Variants in UGT2B10 observed in about 807,000 individuals in gnomAD.
The protein encoded by UGT2B10 is UDP glucuronosyltransferase family 2 member B10.
UGT2B10 carries 51 observed loss-of-function variants against 43.7 expected under a neutral mutation model. The observed-to-expected ratio is 1.17, with a 90% CI of 0.93 to 1.47. The LOEUF is 1.47. UGT2B10 is among the 40% of genes most tolerant of loss of function. UGT2B10 has a pLI of 0.00. For synonymous variants in UGT2B10, 225 were observed against 209.0 expected, an observed-to-expected ratio of 1.08 and a Z score of -0.66; for missense variants, 696 against 617.7, an observed-to-expected ratio of 1.13 and a Z score of -1.34.
chr4:68,822,647 A>G (rs551556067), intron 3 of UGT2B10, among the ~76,000 whole-genome samples: 232 of 152,104 alleles, frequency 1.5e-3, no homozygotes, highest in African/African-American at 5.3e-3. Context: ...ATCAGTGGGA[A>G]CTCAGTACTC....
At chr4:68,819,211 T>C (rs1476424024) in intron 2 of UGT2B10, among the ~76,000 whole-genome samples, 5 of 151,984 alleles carry the variant, frequency 3.3e-5, no homozygotes, top group African/African-American at 4.8e-5. Context: ...AATTTTGCAA[T>C]TATGGTTATT....
intron 5 of UGT2B10, 53 bp from the exon 6 acceptor site, chr4:68,830,547 T>A: frequency 6.4e-7 from 1 of 1,552,750 alleles, no homozygotes; most frequent in Non-Finnish European, 8.7e-7. Context: ...ACTTGATATC[T>A]ACAGGCAAAT....
chr4:68,827,758 G>A (rs74693776), intron 5 of UGT2B10, among the ~76,000 whole-genome samples: 1,349 of 147,574 alleles, frequency 9.1e-3, no homozygotes, highest in Non-Finnish European at 0.014. Flanking sequence ...TAGTGAAACA[G>A]TTTTCTAAAT....
At chr4:68,823,094 A>C (rs1737592121) in intron 3 of UGT2B10, among the ~76,000 whole-genome samples, 1 of 152,122 alleles carries the variant, frequency 6.6e-6, no homozygotes, top group Non-Finnish European at 1.5e-5. Context: ...TGCAGTATAT[A>C]CTCTATTTAA....
chr4:68,829,453 T>C (rs575654502), intron 5 of UGT2B10, among the ~76,000 whole-genome samples: 1 of 152,244 alleles, frequency 6.6e-6, no homozygotes, highest in East Asian at 1.9e-4. Context: ...ATTTTTGAAC[T>C]ATTCACTTAG....
At chr4:68,821,632 A>G (rs1737502002) in intron 2 of UGT2B10, among the ~76,000 whole-genome samples, 1 of 152,200 alleles carries the variant, frequency 6.6e-6, no homozygotes, top group African/African-American at 2.4e-5. Context: ...AGACTCCAGA[A>G]TGTCAGTGAT....
At chr4:68,826,206 T>C (rs1388481215) in intron 3 of UGT2B10, among the ~76,000 whole-genome samples, 3 of 152,182 alleles carry the variant, frequency 2.0e-5, no homozygotes, top group Non-Finnish European at 4.4e-5. Flanking sequence ...TCTAAGGTAT[T>C]ACTTTGGAAA....
chr4:68,823,244 G>A (rs112324058), intron 3 of UGT2B10, among the ~76,000 whole-genome samples: 12,673 of 152,032 alleles, frequency 0.083, 534 homozygotes, highest in African/African-American at 0.1. Flanking sequence ...ATGGTGGTTC[G>A]CGCCTGTAAT....
chr4:68,816,081 G>T lies in UGT2B10; in HGVS notation c.62G>T (p.Ser21Ile), dbSNP rs760152967. ...CTCAGTTTTTACTTTAGCTCTGGGA[G>T]TTGTGGAAAGGTGCTGGTATGGGCC... Reference protein sequence around the residue: ...IQLSFYFSSGSCGKVLVWAAE... With the variant: ...IQLSFYFSSGICGKVLVWAAE... The change falls in exon 1 of 6, where the codon AGT (serine) becomes ATT (isoleucine). Residue 21 changes from serine to isoleucine, a missense_variant. By Grantham distance (142) the Ser-to-Ile change is moderately radical. Transcript: ENST00000265403. 6.2e-7 allele frequency: 1 copy of T among 1,613,164 alleles called. No homozygotes were observed. Among genetic ancestry groups the T allele is most frequent in the Admixed American group, 1.7e-5 (1 of 59,916 alleles).
At chr4:68,821,236 A>C (rs1370436992) in intron 2 of UGT2B10, among the ~76,000 whole-genome samples, 1 of 152,210 alleles carries the variant, frequency 6.6e-6, no homozygotes, top group Non-Finnish European at 1.5e-5. Context: ...AAAGTATTTA[A>C]ATTTATATAT....
intron 5 of UGT2B10, among the ~76,000 whole-genome samples, chr4:68,829,950 A>G (rs554488554): frequency 3.6e-4 from 55 of 152,190 alleles, no homozygotes; most frequent in Non-Finnish European, 7.2e-4. Context: ...GCAAAACATC[A>G]TTCTGGCTAC....
chr4:68,817,387 C>T (rs1737265889), intron 1 of UGT2B10, among the ~76,000 whole-genome samples: 1 of 151,718 alleles, frequency 6.6e-6, no homozygotes, highest in African/African-American at 2.4e-5. Context: ...AACTATGTCT[C>T]TTTATTTAAA....
At chr4:68,822,578 A>G (rs183522036) in intron 3 of UGT2B10, among the ~76,000 whole-genome samples, 176 bp downstream of exon 3, 4 of 152,238 alleles carry the variant, frequency 2.6e-5, no homozygotes, top group Admixed American at 6.5e-5. Context: ...AGACTTAGTG[A>G]TTACATGTGG....
chr4:68,816,415 T>C lies in UGT2B10; in HGVS notation c.396T>C (p.Asn132=). 4 of 1,612,846 alleles carry C rather than the reference T, an allele frequency of 2.5e-6. No individual in the cohort carries two copies. Among genetic ancestry groups the C allele is most frequent in the Non-Finnish European group, 3.4e-6 (4 of 1,179,358 alleles). ...IRNFCKDVVS[N]KKLMKKLQES... ...ACTTCTGTAAAGATGTAGTTTCAAA[T>C]AAGAAACTTATGAAAAAACTACAAG... Residue 132 remains asparagine, a synonymous_variant, in exon 1 of 6, where the codon AAT becomes AAC. Transcript: ENST00000265403.
Position 68,831,233 on chromosome 4 carries a change from A to T in UGT2B10, c.*354A>T, listed in dbSNP as rs1738086721. The stretch of plus-strand genomic sequence containing the variant: ...CTCAGCCCCCCAAGTAGCTGGGACC[A>T]TAGGTGCATGTCACCATGTCCAACT... On this transcript the variant is annotated 3_prime_UTR_variant, in exon 6 of 6. Transcript: ENST00000265403. 4.6e-6 allele frequency: 1 copy of T among 219,306 alleles called. No homozygotes were observed. The highest frequency in any genetic ancestry group is 5.3e-5 in the Admixed American group (1 of 18,992). The allele number at this position is 219,306 out of a possible 1,614,324, so 13.6% of individuals were successfully genotyped here. A position where few individuals can be genotyped will look rare whatever the true frequency, so the allele number is the denominator to read the frequency against.
chr4:68,816,535 C>T lies in UGT2B10; in HGVS notation c.516C>T (p.Ser172=). ...ACATACCCTTTGTGTACAGTCACAG[C>T]TTCAGTCCTGGCTACTCATTTGAAA... ...LFNIPFVYSH[S]FSPGYSFERH... The change falls in exon 1 of 6, where the codon AGC becomes AGT. Residue 172 remains serine, a synonymous_variant. Transcript: ENST00000265403. 6.2e-7 allele frequency: 1 copy of T among 1,613,202 alleles called. No homozygotes were observed. The highest frequency in any genetic ancestry group is 1.1e-5 in the South Asian group (1 of 91,060).
chr4:68,818,161 C>T lies in UGT2B10; in HGVS notation c.851C>T (p.Ala284Val). 6.2e-7 allele frequency: 1 copy of T among 1,609,510 alleles called. No homozygotes were observed. The highest frequency in any genetic ancestry group is 8.5e-7 in the Non-Finnish European group (1 of 1,177,816). The change falls in exon 2 of 6, where the codon GCC becomes GTC. Residue 284 changes from alanine to valine, a missense_variant. Coordinates refer to ENST00000265403, the MANE Select transcript of UGT2B10 (RefSeq NM_001075.6). ...GTTGGAGGACTCCACTGCAAACCTG[C>T]CAAACCCCTACCTAAGGTAAACATA... ...DFVGGLHCKP[A>V]KPLPKEMEEF...
At chr4:68,822,480 T>C in intron 3 of UGT2B10, 78 bp downstream of exon 3, 1 of 1,602,464 alleles carries the variant, frequency 6.2e-7, no homozygotes, top group Non-Finnish European at 8.5e-7. Flanking sequence ...AGAAAGAATA[T>C]TAAAGAGTAG....
At chr4:68,830,068 T>C (rs531321854) in intron 5 of UGT2B10, among the ~76,000 whole-genome samples, 3 of 152,208 alleles carry the variant, frequency 2.0e-5, no homozygotes, top group African/African-American at 7.2e-5. Context: ...TTAGAGATGT[T>C]AATTCTCAGA....
Sources: gnomAD v4.1 joint callset for allele counts (sites outside exome capture counted in the v4.1 genomes callset) on GRCh38, gnomAD v4.1.1 for gene constraint, MANE v1.5 for transcripts, NCBI Gene and HGNC (gene_info 2026-07-23, HGNC 2026-07-21) for gene names.